The following PCDHA11 variants were observed in gnomAD, a reference collection of about 807,000 sequenced individuals.
The protein encoded by PCDHA11 is protocadherin alpha 11.
Under a neutral mutation model 70.3 loss-of-function variants are expected in PCDHA11, and 61 were observed. The ratio of observed to expected loss-of-function variants is 0.87; its 90% confidence interval spans 0.71 to 1.07. PCDHA11 has a LOEUF of 1.07. PCDHA11 is among the 50% of genes least tolerant of loss of function. The pLI is 0.00. For synonymous variants in PCDHA11, 633 were observed against 555.1 expected (o/e 1.14, Z -1.97); for missense variants, 1,324 against 1,237.5 (o/e 1.07, Z -1.05).
chr5:140,961,985 G>A (rs782724308), intron 1 of PCDHA11, among the ~76,000 whole-genome samples: 30 of 151,692 alleles, frequency 2.0e-4, no homozygotes, highest in Non-Finnish European at 4.0e-4. Context: ...CTGGGTTCAC[G>A]CCATTGTCCT....
Position 140,870,308 on chromosome 5 carries a change from A to G in PCDHA11, c.1205A>G (p.Asn402Ser). Residue 402 changes from asparagine to serine, a missense_variant, in exon 1 of 4, where the codon AAT (asparagine) becomes AGT (serine). By Grantham distance (46) the Asn-to-Ser change is conservative. Coordinates refer to ENST00000398640, the MANE Select transcript of PCDHA11 (RefSeq NM_018902.5). ...TTCAAGCTGGTGTCCACCTTCAAGA[A>G]TTACTACTCGTTGGTGCTGGACAGC... The part of the protein sequence containing the change: ...VPFKLVSTFK[N>S]YYSLVLDSAL... 1 of 1,614,140 alleles carries G rather than the reference A, an allele frequency of 6.2e-7. No homozygotes were observed. Among genetic ancestry groups the G allele is most frequent in the Non-Finnish European group, 8.5e-7 (1 of 1,180,024 alleles).
intron 1 of PCDHA11, among the ~76,000 whole-genome samples, chr5:140,917,338 G>GGGGGGGGTGGGT (rs2078134893): frequency 7.3e-6 from 1 of 137,894 alleles, no homozygotes; most frequent in Non-Finnish European, 1.6e-5. Flanking sequence ...GGAGGGGGGG[G>GGGGGGGGTGGGT]ATGGTGTAGG....
intron 1 of PCDHA11, among the ~76,000 whole-genome samples, chr5:140,964,992 A>G (rs1459979924): frequency 6.6e-6 from 1 of 152,098 alleles, no homozygotes; most frequent in Non-Finnish European, 1.5e-5. Flanking sequence ...CAGGCCTTTG[A>G]ATTCTGGGTG....
chr5:140,965,527 A>G (rs2095909626), intron 1 of PCDHA11, among the ~76,000 whole-genome samples: 1 of 151,946 alleles, frequency 6.6e-6, no homozygotes, highest in Non-Finnish European at 1.5e-5. Flanking sequence ...CAAAGCATTA[A>G]TGGAATCCAA....
At chr5:140,985,519 C>G (rs945399310) in intron 3 of PCDHA11, among the ~76,000 whole-genome samples, 7 of 152,120 alleles carry the variant, frequency 4.6e-5, no homozygotes, top group African/African-American at 1.7e-4. Flanking sequence ...TTCTGTTGCC[C>G]TTAAAGCTTC....
At chr5:140,979,894 C>G (rs1183667310) in intron 2 of PCDHA11, among the ~76,000 whole-genome samples, 2 of 152,206 alleles carry the variant, frequency 1.3e-5, no homozygotes, top group African/African-American at 4.8e-5. Context: ...ATTCACCAAA[C>G]TTAGATCAGT....
Position 140,927,111 on chromosome 5 carries a change from C to T in PCDHA11, c.2392-51838C>T. Reference sequence around the variant, plus strand: ...ACTTCGGGGTGGATCTACCCAGCGGCAATTTGGTGGTCAGAGAGCCGGCGG... The same window carrying T: ...ACTTCGGGGTGGATCTACCCAGCGGTAATTTGGTGGTCAGAGAGCCGGCGG... On this transcript the variant is annotated intron_variant, in intron 1 of 3. Transcript: ENST00000398640. The T allele has an allele frequency of 3.7e-6, 6 of 1,613,856 alleles. No individual in the cohort carries two copies. In the Middle Eastern group the frequency reaches 8.3e-4, roughly 222 times the overall value.
At chr5:140,967,915 T>C in intron 1 of PCDHA11, 1 of 1,614,148 alleles carries the variant, frequency 6.2e-7, no homozygotes, top group Non-Finnish European at 8.5e-7. Context: ...CCAACACCAT[T>C]GTGGCCGTTC....
At chr5:141,009,107 G>A (rs1329490009) in intron 3 of PCDHA11, among the ~76,000 whole-genome samples, 6 of 152,180 alleles carry the variant, frequency 3.9e-5, no homozygotes, top group African/African-American at 1.4e-4. Flanking sequence ...ATGTTACTAT[G>A]AAACTAGATT....
At chr5:140,931,758 A>G (rs1374881766) in intron 1 of PCDHA11, among the ~76,000 whole-genome samples, 1 of 151,944 alleles carries the variant, frequency 6.6e-6, no homozygotes, top group African/African-American at 2.4e-5. Flanking sequence ...GGCATTTGTT[A>G]TTTACTTCTT....
At position 140,967,061 on chromosome 5, in the gene PCDHA11, C is replaced by G. The variant is rs1554229125; in HGVS notation, c.2392-11888C>G. The G allele has an allele frequency of 1.9e-6, 3 of 1,612,886 alleles. No individual in the cohort carries two copies. The Admixed American group carries it at 5.0e-5, about 27-fold the overall frequency. On this transcript the variant is annotated intron_variant, in intron 1 of 3. Coordinates refer to ENST00000398640, the MANE Select transcript of PCDHA11 (RefSeq NM_018902.5). ...GGAGCTGGACCTGACGAGTGGAGCG[C>G]TCTTCGTCAACGAGCGCATTGATCG...
Position 140,869,696 on chromosome 5 carries a change from A to T in PCDHA11, c.593A>T (p.Lys198Met). The change falls in exon 1 of 4, where the codon AAG becomes ATG. Residue 198 changes from lysine (K) to methionine (M), a missense_variant. By Grantham distance (95) the Lys-to-Met change is moderately conservative. Coordinates refer to ENST00000398640, the MANE Select transcript of PCDHA11 (RefSeq NM_018902.5). ...QIKRLSLILK[K>M]SLDREKTPEL... is the part of the protein sequence containing the mutation. ...AAAAGACTGTCACTTATTTTAAAGA[A>T]GTCTCTGGATAGAGAGAAAACTCCG... 6.2e-7 allele frequency: 1 copy of T among 1,613,472 alleles called. No homozygotes were observed. The highest frequency in any genetic ancestry group is 8.5e-7 in the Non-Finnish European group (1 of 1,179,876).
chr5:140,876,653 C>T (rs781890773), intron 1 of PCDHA11: 8 of 1,614,082 alleles, frequency 5.0e-6, no homozygotes, highest in Non-Finnish European at 6.8e-6. Context: ...CCTCATGTTC[C>T]CTTCAAGCTG....
chr5:140,880,848 T>C (rs557784006), intron 1 of PCDHA11, among the ~76,000 whole-genome samples: 31 of 152,258 alleles, frequency 2.0e-4, no homozygotes, highest in African/African-American at 7.0e-4. Flanking sequence ...TGGTTGACTA[T>C]GTAGTCTAAT....
At chr5:140,927,045 C>T (rs965998627) in intron 1 of PCDHA11, 8 of 1,612,136 alleles carry the variant, frequency 5.0e-6, no homozygotes, top group African/African-American at 1.3e-5. Flanking sequence ...CCGCTATGTC[C>T]TCGCGGAACT....
chr5:140,928,657 G>A (rs781811102), intron 1 of PCDHA11: 11 of 1,614,102 alleles, frequency 6.8e-6, no homozygotes, highest in Non-Finnish European at 9.3e-6. Context: ...AGAGGATGCT[G>A]ACAGTGGTTC....
chr5:140,928,836 C>G, intron 1 of PCDHA11: 2 of 1,614,168 alleles, frequency 1.2e-6, no homozygotes, highest in South Asian at 2.2e-5. Context: ...CACTTTCCTC[C>G]TCTGTCACTC....
intron 1 of PCDHA11, among the ~76,000 whole-genome samples, chr5:140,906,513 G>A (rs1398874448): frequency 1.3e-5 from 2 of 152,176 alleles, no homozygotes; most frequent in Non-Finnish European, 2.9e-5. Context: ...AAAGAAGGAG[G>A]AAATACTCAC....
chr5:140,907,554 A>G (rs1554193052), intron 1 of PCDHA11, among the ~76,000 whole-genome samples: 2 of 152,224 alleles, frequency 1.3e-5, no homozygotes, highest in African/African-American at 2.4e-5. Context: ...AAGAGGTCCA[A>G]TATAATCAAC....
Sources: allele counts gnomAD v4.1 joint callset (sites outside exome capture counted in the v4.1 genomes callset), GRCh38; gene constraint gnomAD v4.1.1; transcripts MANE v1.5; gene names NCBI Gene and HGNC (gene_info 2026-07-23, HGNC 2026-07-21).